The following CBFA2T2 variants were observed in gnomAD, a reference collection of about 807,000 sequenced individuals.
CBFA2T2 encodes protein CBFA2T2.
Under a neutral mutation model 62.2 loss-of-function variants are expected in CBFA2T2, and 11 were observed. The observed-to-expected ratio is 0.18, with a 90% CI of 0.11 to 0.29. The LOEUF is 0.29. Ranked by LOEUF, CBFA2T2 falls within the 10% of genes least tolerant of loss-of-function variation. The pLI is 1.00. For missense variants in CBFA2T2, 592 were observed against 774.1 expected (o/e 0.76, Z 2.79); for synonymous variants, 295 against 287.5 (o/e 1.03, Z -0.27).
At chr20:33,589,590 T>C (rs2014524337) in intron 1 of CBFA2T2, among the ~76,000 whole-genome samples, 1 of 152,204 alleles carries the variant, frequency 6.6e-6, no homozygotes, top group African/African-American at 2.4e-5. Flanking sequence ...GTTCTCTTTT[T>C]ATTTCATTTG....
intron 3 of CBFA2T2, among the ~76,000 whole-genome samples, chr20:33,616,098 TA>T (rs1359697274): frequency 1.4e-5 from 2 of 144,564 alleles, no homozygotes; most frequent in African/African-American, 2.5e-5. Flanking sequence ...GATAGATAGA[TA>T]GATAGATAGA....
intron 1 of CBFA2T2, among the ~76,000 whole-genome samples, chr20:33,590,076 CTA>C (rs1491301415): frequency 6.7e-6 from 1 of 150,128 alleles, no homozygotes; most frequent in African/African-American, 2.5e-5. Flanking sequence ...GACCCTGTCT[CTA>C]AAAAAAAAAA....
intron 1 of CBFA2T2, among the ~76,000 whole-genome samples, chr20:33,497,274 CAAAAAAAAAA>C (rs34528525): frequency 1.0e-4 from 6 of 58,070 alleles, no homozygotes; most frequent in East Asian, 5.9e-4. Context: ...ACCCTGTCTC[CAAAAAAAAAA>C]AAAAAAAAAA....
intron 1 of CBFA2T2, among the ~76,000 whole-genome samples, chr20:33,587,037 G>A (rs1050626742): frequency 2.0e-5 from 3 of 152,022 alleles, no homozygotes; most frequent in African/African-American, 7.3e-5. Flanking sequence ...AACCACCCAG[G>A]CTCCAGTGAT....
intron 1 of CBFA2T2, among the ~76,000 whole-genome samples, chr20:33,591,856 G>A (rs2014656989): frequency 6.6e-6 from 1 of 151,224 alleles, no homozygotes; most frequent in African/African-American, 2.4e-5. Context: ...ATTGTGGCGG[G>A]GTGGGAGGGG....
chr20:33,558,011 T>C (rs1458941499), intron 1 of CBFA2T2, among the ~76,000 whole-genome samples: 1 of 152,140 alleles, frequency 6.6e-6, no homozygotes, highest in African/African-American at 2.4e-5. Context: ...AAATTTTTAG[T>C]AGAGACGGGG....
chr20:33,570,938 G>C (rs1480608894), intron 1 of CBFA2T2, among the ~76,000 whole-genome samples: 1 of 152,152 alleles, frequency 6.6e-6, no homozygotes, highest in Non-Finnish European at 1.5e-5. Context: ...GAGAAGCATG[G>C]CAAATAACCA....
At chr20:33,634,253 C>T (rs2016551449) in intron 8 of CBFA2T2, among the ~76,000 whole-genome samples, 1 of 152,136 alleles carries the variant, frequency 6.6e-6, no homozygotes, top group Admixed American at 6.5e-5. Flanking sequence ...ACACATGAGC[C>T]ACTGCATCTG....
intron 1 of CBFA2T2, among the ~76,000 whole-genome samples, chr20:33,587,941 T>C (rs373612473): frequency 1.3e-5 from 2 of 152,232 alleles, no homozygotes; most frequent in Non-Finnish European, 2.9e-5. Context: ...TTAGAAAATT[T>C]TGATAGTGAT....
intron 1 of CBFA2T2, among the ~76,000 whole-genome samples, chr20:33,519,505 G>C (rs2011672210): frequency 1.3e-5 from 2 of 152,130 alleles, no homozygotes; most frequent in Admixed American, 1.3e-4. Flanking sequence ...AAGAGTATTA[G>C]AGGTATGGGT....
chr20:33,530,497 A>C (rs1277732114), intron 1 of CBFA2T2, among the ~76,000 whole-genome samples: 2 of 152,088 alleles, frequency 1.3e-5, no homozygotes, highest in Non-Finnish European at 2.9e-5. Flanking sequence ...GGCTCACTGC[A>C]ACCTCTGCCT....
intron 1 of CBFA2T2, among the ~76,000 whole-genome samples, chr20:33,587,105 C>A (rs1015697294): frequency 1.3e-5 from 2 of 151,940 alleles, no homozygotes; most frequent in Non-Finnish European, 2.9e-5. Flanking sequence ...CCATGCCTGG[C>A]GAATTCGATG....
rs1303909643 is a variant in CBFA2T2, at chr20:33,490,102, G to A, written c.-166G>A. The stretch of plus-strand genomic sequence containing the variant: ...GGCGCGGCCTAACGGCGGCGGCGGC[G>A]GCGGCGACGGCGACAGCAGCGGTGG... On this transcript the variant is annotated 5_prime_UTR_variant, in exon 1 of 11. Transcript: ENST00000342704. 1.2e-5 allele frequency: 8 copies of A among 662,694 alleles called. No individual in the cohort carries two copies. The highest frequency in any genetic ancestry group is 1.2e-5 in the Non-Finnish European group (6 of 506,740). 41.1% of individuals were successfully genotyped at this position (662,694 alleles called of 1,614,324 possible).
chr20:33,596,917 CTGTT>C (rs1568842267), intron 1 of CBFA2T2, among the ~76,000 whole-genome samples: 2 of 134,708 alleles, frequency 1.5e-5, no homozygotes, highest in Non-Finnish European at 3.0e-5. Context: ...TTCTTGACCT[CTGTT>C]TTTTTTTTTT....
At chr20:33,501,630 CTTTTT>C (rs869281966) in intron 1 of CBFA2T2, among the ~76,000 whole-genome samples, 226 of 63,232 alleles carry the variant, frequency 3.6e-3, no homozygotes, top group African/African-American at 0.015. Context: ...CTTAGCCTTC[CTTTTT>C]TTTTTTTTTT....
intron 1 of CBFA2T2, among the ~76,000 whole-genome samples, chr20:33,549,503 A>G (rs958241066): frequency 1.4e-4 from 21 of 152,238 alleles, no homozygotes; most frequent in African/African-American, 5.1e-4. Context: ...GCCACAAAAG[A>G]TGACATATCC....
intron 1 of CBFA2T2, among the ~76,000 whole-genome samples, chr20:33,491,328 G>A (rs545063045): frequency 1.3e-5 from 2 of 152,250 alleles, no homozygotes; most frequent in African/African-American, 2.4e-5. Context: ...GTTTAGTTAG[G>A]AGAGGGAGAG....
chr20:33,620,073 G>A (rs975425338), intron 4 of CBFA2T2, among the ~76,000 whole-genome samples: 35 of 152,162 alleles, frequency 2.3e-4, no homozygotes, highest in Admixed American at 1.6e-3. Context: ...ACCCCAGATA[G>A]TCTAGTTTCT....
intron 1 of CBFA2T2, among the ~76,000 whole-genome samples, chr20:33,529,450 A>C (rs2011983029): frequency 6.6e-6 from 1 of 151,724 alleles, no homozygotes; most frequent in African/African-American, 2.4e-5. Flanking sequence ...TCTTTCCTTT[A>C]CTTTGTTCTC....
Sources: allele counts gnomAD v4.1 joint callset (sites outside exome capture counted in the v4.1 genomes callset), GRCh38; gene constraint gnomAD v4.1.1; transcripts MANE v1.5; gene names NCBI Gene and HGNC (gene_info 2026-07-23, HGNC 2026-07-21).